The following SLC44A1 variants were observed in gnomAD, a reference collection of about 807,000 sequenced individuals.
The protein encoded by SLC44A1 is solute carrier family 44 member 1.
Under a neutral mutation model 79.3 loss-of-function variants are expected in SLC44A1, and 26 were observed. That is an observed-to-expected ratio of 0.33 (90% confidence interval 0.24 to 0.46). The LOEUF is 0.46. Among genes scored for constraint, SLC44A1 ranks in the 20% least tolerant of loss-of-function variants. The pLI is 1.00. For missense variants in SLC44A1, 688 were observed against 798.1 expected, an observed-to-expected ratio of 0.86 and a Z score of 1.66; for synonymous variants, 263 against 286.2, an observed-to-expected ratio of 0.92 and a Z score of 0.82.
intron 1 of SLC44A1, among the ~76,000 whole-genome samples, chr9:105,281,235 GA>G (rs1239820811): frequency 1.3e-5 from 2 of 152,220 alleles, no homozygotes; most frequent in African/African-American, 2.4e-5. Context: ...AGATTAAGGA[GA>G]GGGGTGTTGC....
chr9:105,308,492 C>G (rs1191459891), intron 2 of SLC44A1, among the ~76,000 whole-genome samples: 1 of 152,186 alleles, frequency 6.6e-6, no homozygotes, highest in Non-Finnish European at 1.5e-5. Flanking sequence ...GAAGTTTCTA[C>G]TGACTGTAGC....
chr9:105,282,749 A>G (rs1271081976), intron 1 of SLC44A1, among the ~76,000 whole-genome samples: 1 of 151,990 alleles, frequency 6.6e-6, no homozygotes, highest in Non-Finnish European at 1.5e-5. Flanking sequence ...GGGTTTCACC[A>G]TGTTGGCCAG....
chr9:105,405,457 C>T (rs1186447492), intron 15 of SLC44A1, among the ~76,000 whole-genome samples: 1 of 152,050 alleles, frequency 6.6e-6, no homozygotes, highest in African/African-American at 2.4e-5. Context: ...ATTCTAGAAT[C>T]TAATAAAGAA....
At chr9:105,362,053 CGTGTGTGT>C (rs200273035) in intron 8 of SLC44A1, among the ~76,000 whole-genome samples, 14 of 151,116 alleles carry the variant, frequency 9.3e-5, no homozygotes, top group African/African-American at 3.2e-4. Flanking sequence ...TTTGTGTGTG[CGTGTGTGT>C]GCGCGCGCGC....
Position 105,263,006 on chromosome 9 carries a change from G to A in SLC44A1, c.36+18102G>A, listed in dbSNP as rs570135732. ...AAGGAAAAAGAAGCACAAATGTACCGAGTGCCTGAGCTTCTTCACCTACCA... is the reference window on the plus strand; with the variant it reads ...AAGGAAAAAGAAGCACAAATGTACCAAGTGCCTGAGCTTCTTCACCTACCA... On this transcript the variant is annotated intron_variant, in intron 1 of 15. Coordinates refer to ENST00000374720, the MANE Select transcript of SLC44A1 (RefSeq NM_080546.5). 7.9e-5 allele frequency among the ~76,000 whole-genome samples: 12 copies of A among 152,288 alleles called. No individual in the cohort carries two copies. In the South Asian group the frequency reaches 1.2e-3, roughly 16 times the overall value.
At chr9:105,345,404 A>G (rs1235373061) in intron 4 of SLC44A1, among the ~76,000 whole-genome samples, 2 of 152,160 alleles carry the variant, frequency 1.3e-5, no homozygotes, top group Non-Finnish European at 2.9e-5. Flanking sequence ...TTCTCCAAAG[A>G]TGTTCTTTTT....
At chr9:105,329,556 CTTCAA>C in intron 3 of SLC44A1, among the ~76,000 whole-genome samples, 1 of 152,160 alleles carries the variant, frequency 6.6e-6, no homozygotes, top group Non-Finnish European at 1.5e-5. Context: ...CCTCTCTAGC[CTTCAA>C]TTCGAGGGGC....
intron 15 of SLC44A1, among the ~76,000 whole-genome samples, chr9:105,435,318 G>A (rs1052444639): frequency 6.6e-6 from 1 of 152,226 alleles, no homozygotes; most frequent in African/African-American, 2.4e-5. Flanking sequence ...CTAAGTGTGA[G>A]CAGCAAGGCT....
In SLC44A1 at chr9:105,366,346, GA is replaced by G. The variant is rs1430129325; in HGVS notation, c.1415del (p.Asn472MetfsTer8). On this transcript the variant is annotated frameshift_variant and splice_region_variant, in exon 12 of 16. Transcript: ENST00000374720. LOFTEE classifies it high-confidence loss of function. ...MYIHSQLKGKENACARCVLKS... is the reference protein window; with the variant it reads ...MYIHSQLKGKXNACARCVLKS... ...TTATTTCCATTTTTCCCCCATCCAG[GA>G]AAATGCTTGTGCACGATGTGTGCTG... 2 of 1,470,376 alleles carry G rather than the reference GA, an allele frequency of 1.4e-6. No individual in the cohort carries two copies. Among genetic ancestry groups the G allele is most frequent in the Middle Eastern group, 1.8e-4 (1 of 5,556 alleles). The allele number at this position is 1,470,376 out of a possible 1,614,324, so 91.1% of individuals were successfully genotyped here. A position where few individuals can be genotyped will look rare whatever the true frequency, so the allele number is the denominator to read the frequency against.
intron 3 of SLC44A1, among the ~76,000 whole-genome samples, chr9:105,321,775 A>G (rs1399526825): frequency 5.9e-5 from 9 of 151,972 alleles, no homozygotes; most frequent in Admixed American, 5.9e-4. Context: ...CTAACAGGAT[A>G]TATGTGGGAC....
At position 105,397,276 on chromosome 9, in the gene SLC44A1, T is replaced by A. The variant is rs1828894731; in HGVS notation, c.*8220T>A. 2.0e-6 allele frequency: 2 copies of A among 984,174 alleles called. No individual in the cohort carries two copies. Among genetic ancestry groups the A allele is most frequent in the African/African-American group, 3.5e-5 (2 of 57,334 alleles). 61.0% of individuals were successfully genotyped at this position (984,174 alleles called of 1,614,324 possible). A position where few individuals can be genotyped will look rare whatever the true frequency, so the allele number is the denominator to read the frequency against. On this transcript the variant is annotated 3_prime_UTR_variant, in exon 16 of 16. Coordinates refer to ENST00000374720, the MANE Select transcript of SLC44A1 (RefSeq NM_080546.5). ...ACTGACTCAGTTGCCAGAATTATAA[T>A]GAAAACTGTATTTTAGTCTAACAAA...
exon 16 of SLC44A1, chr9:105,438,491 G>T: frequency 2.0e-6 from 1 of 503,574 alleles, no homozygotes; most frequent in Non-Finnish European, 3.5e-6. Context: ...ATAATCAAAA[G>T]CATTTGATAG....
intron 6 of SLC44A1, among the ~76,000 whole-genome samples, chr9:105,357,732 C>T (rs1588827882): frequency 6.6e-6 from 1 of 152,106 alleles, no homozygotes; most frequent in South Asian, 2.1e-4. Context: ...TCACCTGGGA[C>T]CCCTGACCTC....
At chr9:105,284,942 C>T (rs1830440522) in intron 1 of SLC44A1, among the ~76,000 whole-genome samples, 1 of 152,192 alleles carries the variant, frequency 6.6e-6, no homozygotes, top group Admixed American at 6.5e-5. Context: ...CATTTCCTCT[C>T]AACTCCCACT....
chr9:105,313,926 AT>A (rs991953322), intron 3 of SLC44A1, among the ~76,000 whole-genome samples: 3 of 150,360 alleles, frequency 2.0e-5, no homozygotes, highest in Admixed American at 6.7e-5. Context: ...TGCCTGGCTA[AT>A]TTTTTTTTGT....
intron 1 of SLC44A1, among the ~76,000 whole-genome samples, chr9:105,260,246 A>G (rs1038324814): frequency 1.3e-5 from 2 of 152,188 alleles, no homozygotes; most frequent in Non-Finnish European, 2.9e-5. Context: ...CATGCATATT[A>G]ACATATTTAG....
intron 8 of SLC44A1, among the ~76,000 whole-genome samples, chr9:105,361,924 A>C (rs949103795): frequency 1.1e-4 from 16 of 152,138 alleles, no homozygotes; most frequent in African/African-American, 3.9e-4. Flanking sequence ...GCTGGTGTGC[A>C]CCTGTGGTCC....
At chr9:105,307,890 A>T (rs1347046076) in intron 2 of SLC44A1, among the ~76,000 whole-genome samples, 1 of 152,074 alleles carries the variant, frequency 6.6e-6, no homozygotes, top group East Asian at 1.9e-4. Context: ...GTGTCCTTGG[A>T]GGAGTCAGGA....
intron 1 of SLC44A1, among the ~76,000 whole-genome samples, chr9:105,263,905 C>G (rs967076378): frequency 2.0e-5 from 3 of 152,076 alleles, no homozygotes; most frequent in Non-Finnish European, 4.4e-5. Flanking sequence ...CCCACCCTCC[C>G]CATTTTCTGC....
Sources: gnomAD v4.1 joint callset for allele counts (sites outside exome capture counted in the v4.1 genomes callset) on GRCh38, gnomAD v4.1.1 for gene constraint, MANE v1.5 for transcripts, NCBI Gene and HGNC (gene_info 2026-07-23, HGNC 2026-07-21) for gene names.